Variants in ELMO2 observed in about 807,000 individuals in gnomAD.
ELMO2 encodes the protein engulfment and cell motility protein 2.
ELMO2 carries 37 observed loss-of-function variants against 96.2 expected under a neutral mutation model. The ratio of observed to expected loss-of-function variants is 0.38; its 90% CI spans 0.30 to 0.51. The LOEUF is 0.51. Ranked by LOEUF, ELMO2 falls within the 20% of genes least tolerant of loss-of-function variation. The pLI is 0.88. For missense variants in ELMO2, 561 were observed against 912.6 expected (o/e 0.61, Z 4.96); for synonymous variants, 315 against 329.4 (o/e 0.96, Z 0.47).
At chr20:46,378,540 C>T (rs961589921) in intron 11 of ELMO2, among the ~76,000 whole-genome samples, 20 of 152,214 alleles carry the variant, frequency 1.3e-4, no homozygotes, top group African/African-American at 4.8e-4. Flanking sequence ...AACCTGTGTA[C>T]TCCTGTCACT....
intron 1 of ELMO2, among the ~76,000 whole-genome samples, chr20:46,404,227 CA>C (rs2060385205): frequency 6.6e-6 from 1 of 152,182 alleles, no homozygotes; most frequent in African/African-American, 2.4e-5. Flanking sequence ...GTGACCAGGT[CA>C]AAGGACTTGC....
rs770816003 is a variant in ELMO2 at position 46,370,307 on chromosome 20, G to GT, written c.1884+135dup. The stretch of plus-strand genomic sequence containing the variant: ...ATACAGAGGTTCCATCTATTTTTGT[G>GT]TATGTTCAAAATTCTTAATAAAACA... On this transcript the variant is annotated intron_variant, in intron 20 of 21. Transcript: ENST00000290246. The GT allele has an allele frequency of 7.4e-5, 61 of 819,950 alleles. No homozygotes were observed. In the Middle Eastern group the frequency reaches 2.6e-3, roughly 35 times the overall value. 50.8% of individuals were successfully genotyped at this position (819,950 alleles called of 1,614,324 possible).
intron 10 of ELMO2, chr20:46,382,158 C>T: frequency 7.8e-7 from 1 of 1,286,426 alleles, no homozygotes; most frequent in Non-Finnish European, 1.0e-6. Context: ...GCTTTGACTT[C>T]CCCACCTGCA....
In ELMO2 at chr20:46,394,029, C is replaced by T. The variant is rs1361878560; in HGVS notation, c.119+20G>A. 6 of 1,613,800 alleles carry T rather than the reference C, an allele frequency of 3.7e-6. No homozygotes were observed. Among genetic ancestry groups the T allele is most frequent in the Middle Eastern group, 1.6e-4 (1 of 6,084 alleles). ...CAGTCGGAGCTGCCACTGTTGAAAA[C>T]GAGGTCCATTTCAACCTACCCATCA... On this transcript the variant is annotated intron_variant, in intron 4 of 21. Transcript: ENST00000290246.
rs566616700 is a variant in ELMO2, at chr20:46,398,787, A to G, written c.-125-16T>C. 6 of 152,314 alleles carry G rather than the reference A, an allele frequency of 3.9e-5. No homozygotes were observed. The South Asian group carries it at 1.2e-3, about 32-fold the overall frequency. 9.4% of individuals were successfully genotyped at this position (152,314 alleles called of 1,614,324 possible). A position where few individuals can be genotyped will look rare whatever the true frequency, so the allele number is the denominator to read the frequency against. On this transcript the variant is annotated splice_polypyrimidine_tract_variant and intron_variant, in intron 1 of 21. Transcript: ENST00000290246. ...CACCTCCCTCCTAAAAGAAGGAAGG[A>G]AAGAAAAAAAATGAAGGGAGGGAAA... is the stretch of plus-strand genomic sequence containing the variant.
Position 46,368,908 on chromosome 20 carries a change from C to T in ELMO2, c.1945G>A (p.Ala649Thr), listed in dbSNP as rs763315321. The T allele has an allele frequency of 3.1e-6, 5 of 1,614,126 alleles. No individual in the cohort carries two copies. The highest frequency in any genetic ancestry group is 1.7e-5 in the Admixed American group (1 of 60,026). Residue 649 changes from alanine (A) to threonine (T), a missense_variant, in exon 21 of 22, where the codon GCA (alanine) becomes ACA (threonine). By Grantham distance (58) the Ala-to-Thr change is moderately conservative (BLOSUM62 0). Transcript: ENST00000290246. ...CTGCTCACCTCATATTTATTAGGTG[C>T]GATGAAGTTTAAGGTCTCATCAGGG... Reference protein sequence around the residue: ...YDPDETLNFIAPNKYEYCIWI... With the variant: ...YDPDETLNFITPNKYEYCIWI...
intron 6 of ELMO2, among the ~76,000 whole-genome samples, chr20:46,392,425 C>A (rs2060166418): frequency 6.6e-6 from 1 of 152,180 alleles, no homozygotes; most frequent in African/African-American, 2.4e-5. Flanking sequence ...TCCTTATTAG[C>A]CTCTTCAAAG....
In ELMO2 at chr20:46,367,537, G is replaced by T. The variant is rs770529461; in HGVS notation, c.1986C>A (p.Leu662=). 22 of 1,613,296 alleles carry T rather than the reference G, an allele frequency of 1.4e-5. No individual in the cohort carries two copies. The highest frequency in any genetic ancestry group is 1.7e-5 in the Non-Finnish European group (20 of 1,179,704). The change falls in exon 22 of 22, where the codon CTC becomes CTA. Residue 662 remains leucine (L), a synonymous_variant. Transcript: ENST00000290246. Reference sequence around the variant, plus strand: ...ACATGTCCTTCCCCAGAAGGGCACTGAGGCCATCAATCCAGATGCAGTACT... The same window carrying T: ...ACATGTCCTTCCCCAGAAGGGCACTTAGGCCATCAATCCAGATGCAGTACT... ...KYEYCIWIDG[L]SALLGKDMSS...
Position 46,394,397 on chromosome 20 carries a change from G to A in ELMO2, c.78+8C>T. The A allele has an allele frequency of 1.2e-6, 2 of 1,613,972 alleles. No homozygotes were observed. The highest frequency in any genetic ancestry group is 8.5e-7 in the Non-Finnish European group (1 of 1,179,940). ...CTTGAACCACTGCTTCTCACTTCAG[G>A]AGCATACCTGGTCGATTTCAAGGAG... On this transcript the variant is annotated splice_region_variant and intron_variant, in intron 3 of 21. Transcript: ENST00000290246.
intron 11 of ELMO2, chr20:46,376,905 G>A: frequency 9.5e-7 from 1 of 1,056,822 alleles, no homozygotes; most frequent in Admixed American, 3.2e-5. Context: ...TGAAAATTTG[G>A]TTCCTTAGTT....
At chr20:46,392,871 T>C (rs766151178) in intron 6 of ELMO2, among the ~76,000 whole-genome samples, 1 of 152,256 alleles carries the variant, frequency 6.6e-6, no homozygotes, top group Non-Finnish European at 1.5e-5. Context: ...CCTAAGCAAC[T>C]TTCTCTCAAG....
chr20:46,381,390 A>G (rs1393532237), intron 10 of ELMO2, among the ~76,000 whole-genome samples: 1 of 152,222 alleles, frequency 6.6e-6, no homozygotes, highest in Non-Finnish European at 1.5e-5. Flanking sequence ...CACCTCTCCT[A>G]TGGAGTAGTA....
At chr20:46,376,681 G>T in intron 11 of ELMO2, 2 of 1,289,312 alleles carry the variant, frequency 1.6e-6, no homozygotes, top group Non-Finnish European at 2.0e-6. Context: ...CCTTGTATTT[G>T]TCACTCCCTC....
intron 7 of ELMO2, chr20:46,387,705 C>T (rs2060074921): frequency 2.9e-6 from 1 of 339,156 alleles, no homozygotes; most frequent in Non-Finnish European, 5.4e-6. Flanking sequence ...CCCAGGGACA[C>T]AGAATCACTT....
rs956809422 is a variant in ELMO2 at position 46,375,997 on chromosome 20, C to T, written c.808-207G>A. ...TCACTGCAGGCCTGAAAGGCGCCAT[C>T]CCTTCCTCTGCATTCCCCTGGGCAG... On this transcript the variant is annotated intron_variant, in intron 11 of 21. Coordinates refer to ENST00000290246, the MANE Select transcript of ELMO2 (RefSeq NM_133171.5). This position sits in a 1 kb window ranked among gnomAD's most constrained non-coding sequence, Gnocchi z 4.6. 1.3e-5 allele frequency among the ~76,000 whole-genome samples: 2 copies of T among 152,210 alleles called. No individual in the cohort carries two copies. Among genetic ancestry groups the T allele is most frequent in the Non-Finnish European group, 2.9e-5 (2 of 68,038 alleles).
At chr20:46,384,646 G>T (rs1433556563) in intron 9 of ELMO2, among the ~76,000 whole-genome samples, 1 of 152,048 alleles carries the variant, frequency 6.6e-6, no homozygotes, top group Non-Finnish European at 1.5e-5. Flanking sequence ...AATCAACCTT[G>T]GTGGCTCGCT....
intron 2 of ELMO2, 138 bp from the exon 3 acceptor site, chr20:46,394,670 T>C: frequency 1.6e-6 from 1 of 642,510 alleles, no homozygotes; most frequent in South Asian, 1.9e-5. Flanking sequence ...TTCTAGATCA[T>C]ACCACAACTT....
rs576573452 is a variant in ELMO2, at chr20:46,367,287, G to A, written c.*73C>T. 5.3e-5 allele frequency: 70 copies of A among 1,322,896 alleles called. No individual in the cohort carries two copies. The African/African-American group carries it at 7.7e-4, about 15-fold the overall frequency. 81.9% of individuals were successfully genotyped at this position (1,322,896 alleles called of 1,614,324 possible). A position where few individuals can be genotyped will look rare whatever the true frequency, so the allele number is the denominator to read the frequency against. On this transcript the variant is annotated 3_prime_UTR_variant, in exon 22 of 22. Coordinates refer to ENST00000290246, the MANE Select transcript of ELMO2 (RefSeq NM_133171.5). Reference sequence around the variant, plus strand: ...CAGATTCTGTACAAGCAAAAGACAAGGCACCAGAATGTAAGTGTTTCTCCT... The same window carrying A: ...CAGATTCTGTACAAGCAAAAGACAAAGCACCAGAATGTAAGTGTTTCTCCT...
Position 46,366,425 on chromosome 20 carries a change from A to T in ELMO2, c.*935T>A, listed in dbSNP as rs955037376. ...CACAGGTGTGGCCTCAGCCGGCCTC[A>T]GCCAGCTCCCTGAAATCATGGCCAA... On this transcript the variant is annotated 3_prime_UTR_variant, in exon 22 of 22. Coordinates refer to ENST00000290246, the MANE Select transcript of ELMO2 (RefSeq NM_133171.5). The T allele has an allele frequency of 6.5e-6, 1 of 152,714 alleles. No homozygotes were observed. The highest frequency in any genetic ancestry group is 2.1e-4 in the South Asian group (1 of 4,836). 9.5% of individuals were successfully genotyped at this position (152,714 alleles called of 1,614,324 possible).
Sources: allele counts gnomAD v4.1 joint callset (sites outside exome capture counted in the v4.1 genomes callset), GRCh38; gene constraint gnomAD v4.1.1; non-coding constraint Gnocchi (gnomAD v3.1); transcripts MANE v1.5; gene names NCBI Gene and HGNC (gene_info 2026-07-23, HGNC 2026-07-21).